Variants in STMN2 observed in about 807,000 individuals in gnomAD.
STMN2 encodes the protein stathmin-2.
In STMN2, 2 loss-of-function variants were observed where a neutral mutation model predicts 24.1. The ratio of observed to expected loss-of-function variants is 0.08; its 90% CI spans 0.03 to 0.26. STMN2 has a LOEUF of 0.26. STMN2 is among the 10% of genes least tolerant of loss of function. The pLI is 1.00. For missense variants in STMN2, 114 were observed against 213.6 expected (o/e 0.53, Z 2.91); for synonymous variants, 83 against 77.5 (o/e 1.07, Z -0.37).
At chr8:79,646,744 C>CTT (rs1810226302) in intron 3 of STMN2, among the ~76,000 whole-genome samples, 1 of 152,152 alleles carries the variant, frequency 6.6e-6, no homozygotes, top group African/African-American at 2.4e-5. Context: ...CATTTCACTA[C>CTT]TTTATGTGAA....
intron 2 of STMN2, among the ~76,000 whole-genome samples, chr8:79,637,645 C>T (rs889438613): frequency 6.6e-6 from 1 of 152,156 alleles, no homozygotes; most frequent in Non-Finnish European, 1.5e-5. Flanking sequence ...CAAAACCAAG[C>T]CTAGCTCATT....
chr8:79,657,381 T>A (rs915589598), intron 4 of STMN2, among the ~76,000 whole-genome samples: 1 of 152,204 alleles, frequency 6.6e-6, no homozygotes, highest in African/African-American at 2.4e-5. Flanking sequence ...CATGCATACA[T>A]GTACATCTGC....
chr8:79,651,004 C>T (rs1296045433), intron 3 of STMN2, among the ~76,000 whole-genome samples: 1 of 152,158 alleles, frequency 6.6e-6, no homozygotes, highest in Non-Finnish European at 1.5e-5. Context: ...TAAGTATTTC[C>T]TTGGGATAGA....
rs368605723 is a variant in STMN2, at chr8:79,626,736, G to A, written c.20-10066G>A. Among the ~76,000 whole-genome samples the A allele has an allele frequency of 1.7e-3, 262 of 152,084 alleles. 2 individuals carry two copies. The highest frequency in any genetic ancestry group is 2.7e-3 in the Non-Finnish European group (182 of 68,024). On this transcript the variant is annotated intron_variant, in intron 1 of 4. Coordinates refer to ENST00000220876, the MANE Select transcript of STMN2 (RefSeq NM_007029.4). The stretch of plus-strand genomic sequence containing the variant: ...CATTTATGGAACACCTGCTAACTGC[G>A]ACACACACTCCTATGTATGAGGGAA...
chr8:79,629,265 A>G (rs1033664446), intron 1 of STMN2, among the ~76,000 whole-genome samples: 1 of 152,150 alleles, frequency 6.6e-6, no homozygotes, highest in African/African-American at 2.4e-5. Context: ...ATTTATATAC[A>G]GTATATTTTA....
At chr8:79,613,620 GTTA>G in intron 1 of STMN2, 1 of 985,450 alleles carries the variant, frequency 1.0e-6, no homozygotes, top group Non-Finnish European at 1.2e-6. Flanking sequence ...TCAAATCGTT[GTTA>G]TTATTTAATG....
chr8:79,611,955 G>A (rs1004433227), intron 1 of STMN2, among the ~76,000 whole-genome samples: 2 of 150,690 alleles, frequency 1.3e-5, no homozygotes, highest in East Asian at 3.9e-4. Context: ...CAGCGGCTTC[G>A]AAGGCGCTGG....
At chr8:79,619,819 C>A (rs905788958) in intron 1 of STMN2, among the ~76,000 whole-genome samples, 3 of 152,022 alleles carry the variant, frequency 2.0e-5, no homozygotes, top group African/African-American at 7.2e-5. Flanking sequence ...TTGTTCTAGT[C>A]TTTTAATGAC....
rs929668370 is a variant in STMN2, at chr8:79,665,900, C to T, written c.*1026C>T. 20 of 152,214 alleles carry T rather than the reference C, an allele frequency of 1.3e-4. No homozygotes were observed. The highest frequency in any genetic ancestry group is 4.8e-4 in the African/African-American group (20 of 41,446). The allele number at this position is 152,214 out of a possible 1,614,324, so 9.4% of individuals were successfully genotyped here. On this transcript the variant is annotated 3_prime_UTR_variant, in exon 5 of 5. Transcript: ENST00000220876. Reference sequence around the variant, plus strand: ...CTTTCTTCCCCAGTGTAAGGCAATCCTGCCTACTAACAACACCAACAACAA... The same window carrying T: ...CTTTCTTCCCCAGTGTAAGGCAATCTTGCCTACTAACAACACCAACAACAA...
chr8:79,636,999 T>G, intron 2 of STMN2, 102 bp downstream of exon 2: 2 of 1,079,218 alleles, frequency 1.9e-6, no homozygotes, highest in African/African-American at 1.6e-5. Context: ...ATCAATATTT[T>G]GTAGCTCTCA....
chr8:79,618,606 C>T (rs955291657), intron 1 of STMN2, among the ~76,000 whole-genome samples: 1 of 152,142 alleles, frequency 6.6e-6, no homozygotes, highest in Non-Finnish European at 1.5e-5. Flanking sequence ...GGTTTTGAAT[C>T]CCTTGTGAAA....
At chr8:79,624,417 G>GCAC (rs1397315140) in intron 1 of STMN2, among the ~76,000 whole-genome samples, 3 of 130,804 alleles carry the variant, frequency 2.3e-5, no homozygotes, top group African/African-American at 9.0e-5. Flanking sequence ...TTGTACCACT[G>GCAC]CACTCCAGCC....
intron 3 of STMN2, among the ~76,000 whole-genome samples, chr8:79,651,112 A>G (rs1394714625): frequency 6.6e-6 from 1 of 152,174 alleles, no homozygotes; most frequent in Non-Finnish European, 1.5e-5. Flanking sequence ...AGTCCTGCAA[A>G]TGTGTGAGTT....
chr8:79,641,945 G>A (rs1019636581), intron 3 of STMN2, among the ~76,000 whole-genome samples: 2 of 151,968 alleles, frequency 1.3e-5, no homozygotes, highest in Admixed American at 1.3e-4. Flanking sequence ...TGGTGGGGAG[G>A]GGAAGAAGTG....
chr8:79,660,337 C>T (rs998036617), intron 4 of STMN2, among the ~76,000 whole-genome samples: 1 of 152,142 alleles, frequency 6.6e-6, no homozygotes. Context: ...CTTCTGAGCT[C>T]ATAACATGGT....
chr8:79,662,882 G>C (rs1424375486), intron 4 of STMN2, among the ~76,000 whole-genome samples: 2 of 152,042 alleles, frequency 1.3e-5, no homozygotes, highest in African/African-American at 4.8e-5. Context: ...CCAGAGCTCA[G>C]CTCTCACTAA....
chr8:79,656,015 TCA>T (rs1663735043), intron 4 of STMN2, among the ~76,000 whole-genome samples: 1 of 152,162 alleles, frequency 6.6e-6, no homozygotes, highest in South Asian at 2.1e-4. Flanking sequence ...TTTCTATTTC[TCA>T]GAGTTTCATG....
intron 4 of STMN2, chr8:79,663,694 C>T (rs980219688): frequency 1.7e-5 from 24 of 1,433,974 alleles, no homozygotes; most frequent in Non-Finnish European, 2.0e-5. Flanking sequence ...ATAAATAATA[C>T]TACTAATAAT....
At chr8:79,648,360 C>G (rs1295951361) in intron 3 of STMN2, among the ~76,000 whole-genome samples, 1 of 151,990 alleles carries the variant, frequency 6.6e-6, no homozygotes, top group Non-Finnish European at 1.5e-5. Context: ...CAGTTTCTGA[C>G]CTCACAGAGA....
Sources: allele counts gnomAD v4.1 joint callset (sites outside exome capture counted in the v4.1 genomes callset), GRCh38; gene constraint gnomAD v4.1.1; transcripts MANE v1.5; gene names NCBI Gene and HGNC (gene_info 2026-07-23, HGNC 2026-07-21).